The following HAAO variants were observed in gnomAD, a reference collection of about 807,000 sequenced individuals.
HAAO encodes 3-hydroxyanthranilate 3,4-dioxygenase.
HAAO carries 49 observed loss-of-function variants against 46.2 expected under a neutral mutation model. The ratio of observed to expected loss-of-function variants is 1.06; its 90% CI spans 0.84 to 1.34. The LOEUF (loss-of-function observed/expected upper bound fraction) is 1.34, where lower values mean the gene tolerates loss of function less well. HAAO is among the 40% of genes most tolerant of loss of function. The pLI, the probability that HAAO is intolerant of heterozygous loss-of-function variation, is 0.00. For missense variants in HAAO, 408 were observed against 364.5 expected (o/e 1.12, Z -0.97); for synonymous variants, 157 against 145.2 (o/e 1.08, Z -0.58).
At chr2:42,783,284 C>G in intron 4 of HAAO, 30 bp downstream of exon 4, 1 of 1,364,580 alleles carries the variant, frequency 7.3e-7, no homozygotes, top group Admixed American at 1.8e-5. Flanking sequence ...TTTGCCCTTT[C>G]TCTGCCCCAG....
chr2:42,767,197 G>A lies in HAAO; in HGVS notation c.*240C>T, dbSNP rs1245731212. ...GAGCGGGGCCGGGGGTAGACCACCT[G>A]GCAAGACTGGCAAGGCAGTGGGCTG... is the stretch of plus-strand genomic sequence containing the variant. On this transcript the variant is annotated 3_prime_UTR_variant, in exon 10 of 10. Transcript: ENST00000294973. The A allele has an allele frequency of 1.0e-5, 6 of 598,382 alleles. No homozygotes were observed. Among genetic ancestry groups the A allele is most frequent in the Non-Finnish European group, 1.8e-5 (6 of 333,828 alleles). The allele number at this position is 598,382 out of a possible 1,614,324, so 37.1% of individuals were successfully genotyped here. A position where few individuals can be genotyped will look rare whatever the true frequency, so the allele number is the denominator to read the frequency against.
chr2:42,780,366 C>G (rs1671897067), intron 4 of HAAO, among the ~76,000 whole-genome samples: 1 of 151,930 alleles, frequency 6.6e-6, no homozygotes, highest in African/African-American at 2.4e-5. Flanking sequence ...TGCCACCATG[C>G]CCAGCTAATT....
At chr2:42,773,330 G>C (rs1275938896) in intron 4 of HAAO, among the ~76,000 whole-genome samples, 2 of 152,158 alleles carry the variant, frequency 1.3e-5, no homozygotes, top group Non-Finnish European at 2.9e-5. Context: ...CCAGATGTCA[G>C]TGTGTGTTGT....
At chr2:42,783,707 G>A in intron 3 of HAAO, 77 bp downstream of exon 3, 2 of 1,276,416 alleles carry the variant, frequency 1.6e-6, no homozygotes, top group Non-Finnish European at 2.2e-6. Context: ...CCTCAGCCAG[G>A]GCCAGGATGA....
intron 7 of HAAO, among the ~76,000 whole-genome samples, chr2:42,768,902 G>A (rs946355238): frequency 2.6e-5 from 4 of 152,164 alleles, no homozygotes; most frequent in South Asian, 2.1e-4. Context: ...GGCCAACTTC[G>A]GCTGCTCCCA....
chr2:42,788,656 G>A (rs557657523), intron 1 of HAAO, 49 bp from the exon 2 acceptor site: 1 of 1,186,268 alleles, frequency 8.4e-7, no homozygotes, highest in South Asian at 1.2e-5. Context: ...TCCTAGGAGT[G>A]AAGAGAGCAC....
chr2:42,768,206 G>C (rs141817584), intron 7 of HAAO, among the ~76,000 whole-genome samples: 208 of 152,188 alleles, frequency 1.4e-3, no homozygotes, highest in Non-Finnish European at 2.1e-3. Context: ...CTCATGCGAA[G>C]GCATGCTCAC....
At chr2:42,779,487 A>G (rs1671831336) in intron 4 of HAAO, among the ~76,000 whole-genome samples, 1 of 152,090 alleles carries the variant, frequency 6.6e-6, no homozygotes, top group African/African-American at 2.4e-5. Flanking sequence ...ACACCCAGCT[A>G]ATTTTTGTAT....
chr2:42,783,450 A>T, intron 3 of HAAO, 30 bp from the exon 4 acceptor site: 3 of 1,380,306 alleles, frequency 2.2e-6, no homozygotes, highest in Non-Finnish European at 3.1e-6. Flanking sequence ...GTGCACAGTG[A>T]GGCTGCAATC....
At chr2:42,779,804 T>C (rs1671854893) in intron 4 of HAAO, among the ~76,000 whole-genome samples, 1 of 152,248 alleles carries the variant, frequency 6.6e-6, no homozygotes, top group Admixed American at 6.5e-5. Context: ...TGATAAATTA[T>C]GTCTTTTTCT....
At chr2:42,781,731 G>A (rs11885381) in intron 4 of HAAO, among the ~76,000 whole-genome samples, 57,077 of 151,960 alleles carry the variant, frequency 0.38, 11,815 homozygotes, top group African/African-American at 0.53. Context: ...AAAATTAGCC[G>A]GGTGTGGTGG....
intron 4 of HAAO, among the ~76,000 whole-genome samples, chr2:42,781,503 T>A (rs1671996074): frequency 6.6e-6 from 1 of 152,076 alleles, no homozygotes; most frequent in Admixed American, 6.5e-5. Flanking sequence ...GGCTTGGCTT[T>A]AAAAAAAGGT....
chr2:42,790,181 G>C (rs1011129426), intron 1 of HAAO, among the ~76,000 whole-genome samples: 1 of 152,178 alleles, frequency 6.6e-6, no homozygotes, highest in East Asian at 1.9e-4. Context: ...AGACGGAAGA[G>C]CCAGTCTCTT....
At chr2:42,775,418 T>C (rs779904408) in intron 4 of HAAO, among the ~76,000 whole-genome samples, 14 of 152,150 alleles carry the variant, frequency 9.2e-5, no homozygotes, top group Non-Finnish European at 1.6e-4. Flanking sequence ...GCTGTACTTC[T>C]GAAACAGCAG....
At chr2:42,781,893 C>A (rs1202144916) in intron 4 of HAAO, among the ~76,000 whole-genome samples, 1 of 151,570 alleles carries the variant, frequency 6.6e-6, no homozygotes, top group Non-Finnish European at 1.5e-5. Context: ...AAAAATTATT[C>A]TTGCTGCACT....
chr2:42,773,985 G>C (rs985060560), intron 4 of HAAO, among the ~76,000 whole-genome samples: 3 of 152,148 alleles, frequency 2.0e-5, no homozygotes, highest in Non-Finnish European at 4.4e-5. Flanking sequence ...AAACTCAAAA[G>C]AATGCAACCA....
At chr2:42,772,160 T>G (rs1475783537) in intron 4 of HAAO, among the ~76,000 whole-genome samples, 1 of 152,178 alleles carries the variant, frequency 6.6e-6, no homozygotes, top group African/African-American at 2.4e-5. Flanking sequence ...ATGCAGCCAT[T>G]GTGTTTTTTG....
chr2:42,777,081 C>T (rs567944481), intron 4 of HAAO, among the ~76,000 whole-genome samples: 4 of 151,752 alleles, frequency 2.6e-5, no homozygotes, highest in African/African-American at 4.8e-5. Flanking sequence ...GTGGGTTGAT[C>T]ACCTGAGATC....
At chr2:42,782,810 T>C (rs1672104838) in intron 4 of HAAO, 1 of 406,906 alleles carries the variant, frequency 2.5e-6, no homozygotes, top group Non-Finnish European at 5.0e-6. Context: ...TTCCCACCTT[T>C]GCTTGGAGTT....
Sources: allele counts gnomAD v4.1 joint callset (sites outside exome capture counted in the v4.1 genomes callset), GRCh38; gene constraint gnomAD v4.1.1; transcripts MANE v1.5; gene names NCBI Gene and HGNC (gene_info 2026-07-23, HGNC 2026-07-21).